The following PHIP variants were observed in gnomAD, a reference collection of about 807,000 sequenced individuals.
The protein encoded by PHIP is PH-interacting protein.
Under a neutral mutation model 236.8 loss-of-function variants are expected in PHIP, and 54 were observed. That is an observed-to-expected ratio of 0.23 (90% CI 0.18 to 0.29). PHIP has a LOEUF of 0.29. PHIP is among the 10% of genes least tolerant of loss of function. The pLI, the probability that PHIP is intolerant of heterozygous loss-of-function variation, is 1.00. For missense variants in PHIP, 1,370 were observed against 2,190.8 expected (o/e 0.63, Z 7.48); for synonymous variants, 756 against 718.9 (o/e 1.05, Z -0.83).
intron 15 of PHIP, among the ~76,000 whole-genome samples, chr6:79,004,888 T>G (rs996594040): frequency 3.3e-5 from 5 of 152,140 alleles, no homozygotes; most frequent in South Asian, 4.1e-4. Flanking sequence ...AGAAGAAGAA[T>G]AACTGATTTC....
chr6:78,949,383 A>C (rs1774010855), intron 35 of PHIP, among the ~76,000 whole-genome samples: 1 of 152,076 alleles, frequency 6.6e-6, no homozygotes. Flanking sequence ...CCCAAGTATA[A>C]AGCCACAATC....
At chr6:79,064,983 A>G (rs888209529) in intron 4 of PHIP, among the ~76,000 whole-genome samples, 1 of 152,122 alleles carries the variant, frequency 6.6e-6, no homozygotes, top group African/African-American at 2.4e-5. Context: ...GTGGATGTCA[A>G]CCCCATTTAT....
Position 78,934,689 on chromosome 6 carries a change from C to T in PHIP, c.*6004G>A, listed in dbSNP as rs970934949. Among the ~76,000 whole-genome samples the T allele has an allele frequency of 2.0e-5, 3 of 152,150 alleles. No homozygotes were observed. The highest frequency in any genetic ancestry group is 7.2e-5 in the African/African-American group (3 of 41,434). On this transcript the variant is annotated 3_prime_UTR_variant, in exon 40 of 40. Transcript: ENST00000275034. Reference sequence around the variant, plus strand: ...GGACAGTATACAAATGAGATTATCACCACTGGCTATTTGAACAGAATTAGA... The same window carrying T: ...GGACAGTATACAAATGAGATTATCATCACTGGCTATTTGAACAGAATTAGA...
chr6:79,014,770 C>T (rs919014712), intron 15 of PHIP, among the ~76,000 whole-genome samples: 1 of 151,732 alleles, frequency 6.6e-6, no homozygotes, highest in African/African-American at 2.4e-5. Context: ...AATTTCTTCA[C>T]ATGGTTTTCC....
At chr6:79,050,618 T>C (rs1284686207) in intron 6 of PHIP, among the ~76,000 whole-genome samples, 2 of 152,184 alleles carry the variant, frequency 1.3e-5, no homozygotes, top group Non-Finnish European at 2.9e-5. Context: ...AGAGCATACG[T>C]TCATTCTAAT....
chr6:79,019,553 G>A (rs151022089), intron 9 of PHIP, among the ~76,000 whole-genome samples: 1 of 152,194 alleles, frequency 6.6e-6, no homozygotes, highest in African/African-American at 2.4e-5. Flanking sequence ...GGTGCTGTCT[G>A]TGCCTTATGT....
chr6:78,947,296 T>C (rs1452318607), intron 36 of PHIP, among the ~76,000 whole-genome samples: 6 of 152,208 alleles, frequency 3.9e-5, no homozygotes, highest in African/African-American at 1.4e-4. Context: ...TTTTTACTTA[T>C]TTGTAAAAAT....
At chr6:78,988,375 TCACAGATTG>T in intron 20 of PHIP, 26 bp from the exon 21 acceptor site, 1 of 1,528,886 alleles carries the variant, frequency 6.5e-7, no homozygotes, top group Non-Finnish European at 8.8e-7. Flanking sequence ...TTAAATTTAT[TCACAGATTG>T]TTTAAAGAGC....
At chr6:78,979,601 A>G (rs1009370040) in intron 23 of PHIP, among the ~76,000 whole-genome samples, 1 of 152,056 alleles carries the variant, frequency 6.6e-6, no homozygotes, top group Non-Finnish European at 1.5e-5. Flanking sequence ...GTCACCCACA[A>G]GTGGCCACAA....
intron 39 of PHIP, 90 bp from the exon 40 acceptor site, chr6:78,941,420 A>G: frequency 2.6e-6 from 2 of 783,918 alleles, no homozygotes; most frequent in Non-Finnish European, 4.1e-6. Context: ...TGGTATACTT[A>G]TATGTAATGA....
intron 19 of PHIP, among the ~76,000 whole-genome samples, chr6:78,996,158 G>A (rs1325089175): frequency 1.3e-5 from 2 of 152,110 alleles, no homozygotes; most frequent in African/African-American, 4.8e-5. Flanking sequence ...CAACTGATAT[G>A]CTCTGGAAGA....
At chr6:78,978,046 C>T (rs1366317747) in intron 24 of PHIP, among the ~76,000 whole-genome samples, 7 of 152,014 alleles carry the variant, frequency 4.6e-5, no homozygotes, top group African/African-American at 1.7e-4. Flanking sequence ...ATGTTGAGAC[C>T]AGTTCTTACA....
At chr6:79,076,997 G>T (rs1392945768) in intron 4 of PHIP, among the ~76,000 whole-genome samples, 1 of 152,178 alleles carries the variant, frequency 6.6e-6, no homozygotes, top group African/African-American at 2.4e-5. Flanking sequence ...ATGCCACTTC[G>T]GAGCAGTTAG....
rs1772299587 is a variant in PHIP, at chr6:79,042,949, A to C, written c.494T>G (p.Val165Gly). ...LNGKYRLERL[V>G]PTAVYQHMKM... ...CATGTGCTGATACACTGCAGTTGGAACAAGTCGCTCAAGTCTGTATTTCCC... is the reference window on the plus strand; with the variant it reads ...CATGTGCTGATACACTGCAGTTGGACCAAGTCGCTCAAGTCTGTATTTCCC... The change falls in exon 7 of 40, where the codon GTT becomes GGT. Residue 165 changes from valine (V) to glycine (G), a missense_variant. Physicochemically the swap from Val to Gly is moderately radical, Grantham distance 109. This residue lies in a region of PHIP where 82 missense variants were observed against 203.2 expected (regional missense o/e 0.40). Coordinates refer to ENST00000275034, the MANE Select transcript of PHIP (RefSeq NM_017934.7). 6.2e-7 allele frequency: 1 copy of C among 1,612,564 alleles called. No individual in the cohort carries two copies.
At chr6:79,042,783 A>G in intron 7 of PHIP, 60 bp downstream of exon 7, 4 of 1,257,564 alleles carry the variant, frequency 3.2e-6, no homozygotes, top group African/African-American at 1.6e-5. Context: ...AAGTTCACCT[A>G]TAAGCAATAT....
intron 19 of PHIP, among the ~76,000 whole-genome samples, chr6:78,994,675 T>G (rs1769499446): frequency 6.6e-6 from 1 of 152,174 alleles, no homozygotes; most frequent in Non-Finnish European, 1.5e-5. Flanking sequence ...ACAGAAATAT[T>G]TCATGAGAGG....
intron 17 of PHIP, among the ~76,000 whole-genome samples, 180 bp downstream of exon 17, chr6:79,001,719 G>A (rs781516639): frequency 2.1e-4 from 32 of 151,968 alleles, no homozygotes; most frequent in Admixed American, 3.9e-4. Flanking sequence ...ACTGTAAATC[G>A]CCCATGTTCC....
intron 17 of PHIP, among the ~76,000 whole-genome samples, chr6:79,000,130 T>C (rs2127730294): frequency 6.6e-6 from 1 of 152,216 alleles, no homozygotes; most frequent in Non-Finnish European, 1.5e-5. Flanking sequence ...AAGGTTTTTT[T>C]TGAAAAGAAT....
At chr6:79,017,013 A>G (rs1303427162) in intron 12 of PHIP, among the ~76,000 whole-genome samples, 2 of 151,938 alleles carry the variant, frequency 1.3e-5, no homozygotes, top group East Asian at 3.8e-4. Context: ...AATTTATACA[A>G]TATCATCAAT....
Sources: gnomAD v4.1 joint callset for allele counts (sites outside exome capture counted in the v4.1 genomes callset) on GRCh38, gnomAD v4.1.1 for gene constraint, gnomAD v4.1.1 regional missense constraint, MANE v1.5 for transcripts, NCBI Gene and HGNC (gene_info 2026-07-23, HGNC 2026-07-21) for gene names.